Variants in DIP2C observed in about 807,000 individuals in gnomAD.
The protein encoded by DIP2C is DIP2 acetate--CoA ligase C (putative).
DIP2C carries 33 observed loss-of-function variants against 192.4 expected under a neutral mutation model. The ratio of observed to expected loss-of-function variants is 0.17; its 90% CI spans 0.13 to 0.23. The LOEUF is 0.23. Ranked by LOEUF, DIP2C falls within the 10% of genes least tolerant of loss-of-function variation. DIP2C has a pLI of 1.00. For missense variants in DIP2C, 1,537 were observed against 2,110.1 expected, an observed-to-expected ratio of 0.73 and a Z score of 5.32; for synonymous variants, 979 against 864.1, an observed-to-expected ratio of 1.13 and a Z score of -2.33.
chr10:454,090 T>C (rs1969082630), intron 3 of DIP2C, among the ~76,000 whole-genome samples: 1 of 152,228 alleles, frequency 6.6e-6, no homozygotes, highest in African/African-American at 2.4e-5. Context: ...AATAAATTGA[T>C]AGAGGTGCAT....
intron 1 of DIP2C, among the ~76,000 whole-genome samples, chr10:628,181 C>T (rs748796534): frequency 2.0e-5 from 3 of 152,150 alleles, no homozygotes; most frequent in Non-Finnish European, 2.9e-5. Flanking sequence ...AGGATTCAAA[C>T]CAGTGCTCTT....
intron 1 of DIP2C, among the ~76,000 whole-genome samples, chr10:637,630 C>T (rs1191542223): frequency 6.6e-6 from 1 of 152,232 alleles, no homozygotes; most frequent in Non-Finnish European, 1.5e-5. Flanking sequence ...GCACCATCTC[C>T]TCCGGGGTGA....
intron 1 of DIP2C, among the ~76,000 whole-genome samples, chr10:492,069 C>T (rs1217651105): frequency 6.6e-6 from 1 of 152,258 alleles, no homozygotes; most frequent in East Asian, 1.9e-4. Flanking sequence ...ATCCTGACCC[C>T]TGAGAACCCA....
In DIP2C at chr10:661,256, C is replaced by T. The variant is rs1856745516; in HGVS notation, c.85+28238G>A. Among the ~76,000 whole-genome samples, 3 of 152,356 alleles carry T rather than the reference C, an allele frequency of 2.0e-5. No individual in the cohort carries two copies. In the South Asian group the frequency reaches 6.2e-4, roughly 32 times the overall value. On this transcript the variant is annotated intron_variant, in intron 1 of 36. Transcript: ENST00000280886. ...CTGAACAGAGAGAGAAGACTGCAGCCTCCCTGGGGACCTGGCTCCATGCCT... is the reference window on the plus strand; with the variant it reads ...CTGAACAGAGAGAGAAGACTGCAGCTTCCCTGGGGACCTGGCTCCATGCCT...
chr10:348,094 T>C (rs977925317), intron 26 of DIP2C, among the ~76,000 whole-genome samples: 1 of 152,208 alleles, frequency 6.6e-6, no homozygotes, highest in African/African-American at 2.4e-5. Flanking sequence ...GTGGCCACTG[T>C]GCAGGTCTCC....
At chr10:469,222 C>T (rs564179781) in intron 3 of DIP2C, among the ~76,000 whole-genome samples, 54 of 152,246 alleles carry the variant, frequency 3.5e-4, no homozygotes, top group African/African-American at 9.4e-4. Context: ...ATCAAGGTCA[C>T]CCTGATTTCC....
chr10:593,086 G>A (rs370876171), intron 1 of DIP2C, among the ~76,000 whole-genome samples: 6 of 152,196 alleles, frequency 3.9e-5, no homozygotes, highest in Admixed American at 6.5e-5. Context: ...GGCCGGGAAC[G>A]GTGGCTCATG....
chr10:382,476 T>C, intron 17 of DIP2C, 171 bp downstream of exon 17: 1 of 584,828 alleles, frequency 1.7e-6, no homozygotes, highest in Non-Finnish European at 3.0e-6. Flanking sequence ...ATCTAGGCTG[T>C]TCAAAAGAAT....
intron 28 of DIP2C, among the ~76,000 whole-genome samples, chr10:344,557 C>T (rs1305892062): frequency 6.6e-6 from 1 of 152,234 alleles, no homozygotes; most frequent in Admixed American, 6.5e-5. Context: ...GAAAAACATT[C>T]GCAGTGTTCT....
intron 23 of DIP2C, 118 bp downstream of exon 23, chr10:357,692 GCGGACAGTCAGACACTGT>G: frequency 1.6e-6 from 1 of 626,916 alleles, no homozygotes; most frequent in East Asian, 2.8e-5. Flanking sequence ...GGGGACGGTT[GCGGACAGTCAGACACTGT>G]CGCGGACTGT....
chr10:465,031 A>AT (rs1564745354), intron 3 of DIP2C, among the ~76,000 whole-genome samples: 1 of 148,842 alleles, frequency 6.7e-6, no homozygotes, highest in East Asian at 2.0e-4. Flanking sequence ...TCCCTAACTC[A>AT]TTTTATGAGG....
chr10:594,408 T>C (rs553002058), intron 1 of DIP2C, among the ~76,000 whole-genome samples: 5 of 151,928 alleles, frequency 3.3e-5, no homozygotes, highest in African/African-American at 1.2e-4. Context: ...CATTTCAACA[T>C]AAGGGAACAT....
At chr10:593,489 C>G (rs977076459) in intron 1 of DIP2C, among the ~76,000 whole-genome samples, 2 of 119,076 alleles carry the variant, frequency 1.7e-5, no homozygotes, top group Non-Finnish European at 3.5e-5. Context: ...CGCGGGACCC[C>G]CCCCCCCCCA....
At chr10:385,807 G>A (rs75028961) in intron 14 of DIP2C, among the ~76,000 whole-genome samples, 4,018 of 152,182 alleles carry the variant, frequency 0.026, 168 homozygotes, top group African/African-American at 0.091. Context: ...GGGGGCAGAC[G>A]AGAGGGCAGA....
At chr10:477,800 A>G (rs2133481831) in intron 2 of DIP2C, among the ~76,000 whole-genome samples, 1 of 134,578 alleles carries the variant, frequency 7.4e-6, no homozygotes, top group African/African-American at 3.0e-5. Context: ...GAAGGGAAGG[A>G]AGGAAAGAGA....
intron 1 of DIP2C, among the ~76,000 whole-genome samples, chr10:506,671 G>C (rs1554884842): frequency 2.6e-5 from 4 of 152,210 alleles, no homozygotes; most frequent in Non-Finnish European, 5.9e-5. Flanking sequence ...GTCTGCAGCT[G>C]CCTCCTATCC....
At chr10:443,180 C>T (rs555633244) in intron 3 of DIP2C, among the ~76,000 whole-genome samples, 2 of 152,292 alleles carry the variant, frequency 1.3e-5, no homozygotes, top group South Asian at 2.1e-4. Context: ...GAGACTGTGA[C>T]ACTATGTACA....
intron 1 of DIP2C, among the ~76,000 whole-genome samples, chr10:532,202 CAA>C (rs1847410456): frequency 1.3e-5 from 2 of 152,230 alleles, no homozygotes; most frequent in African/African-American, 2.4e-5. Flanking sequence ...GTAAACCCAC[CAA>C]AGTCACAGGG....
At chr10:434,403 C>T (rs1458531440) in intron 4 of DIP2C, among the ~76,000 whole-genome samples, 1 of 152,120 alleles carries the variant, frequency 6.6e-6, no homozygotes, top group East Asian at 1.9e-4. Flanking sequence ...CCATCTTGGC[C>T]TCTCAAAGTA....
Sources: gnomAD v4.1 joint callset for allele counts (sites outside exome capture counted in the v4.1 genomes callset) on GRCh38, gnomAD v4.1.1 for gene constraint, MANE v1.5 for transcripts, NCBI Gene and HGNC (gene_info 2026-07-23, HGNC 2026-07-21) for gene names.